Variants in DOCK3 observed in about 807,000 individuals in gnomAD.
DOCK3 encodes the protein dedicator of cytokinesis protein 3.
DOCK3 carries 60 observed loss-of-function variants against 265.6 expected under a neutral mutation model. The ratio of observed to expected loss-of-function variants is 0.23; its 90% CI spans 0.18 to 0.28. The LOEUF is 0.28. DOCK3 is among the 10% of genes least tolerant of loss of function. The pLI is 1.00. For missense variants in DOCK3, 1,981 were observed against 2,594.3 expected, an observed-to-expected ratio of 0.76 and a Z score of 5.14; for synonymous variants, 881 against 938.0, an observed-to-expected ratio of 0.94 and a Z score of 1.11.
chr3:50,880,562 C>T, intron 3 of DOCK3: 1 of 188,460 alleles, frequency 5.3e-6, no homozygotes, highest in South Asian at 8.2e-5. Flanking sequence ...ATACACCCTC[C>T]CAGGACTAAA....
intron 5 of DOCK3, among the ~76,000 whole-genome samples, chr3:51,027,249 G>T (rs552192356): frequency 6.6e-6 from 1 of 151,884 alleles, no homozygotes; most frequent in African/African-American, 2.4e-5. Flanking sequence ...CCATGTATTT[G>T]TGTGGTTTTG....
At chr3:50,951,368 A>G (rs1383383112) in intron 5 of DOCK3, among the ~76,000 whole-genome samples, 2 of 152,180 alleles carry the variant, frequency 1.3e-5, no homozygotes, top group Admixed American at 1.3e-4. Flanking sequence ...CTGTATTACT[A>G]TGTTGATTAA....
intron 22 of DOCK3, among the ~76,000 whole-genome samples, chr3:51,253,711 C>G (rs2079389063): frequency 6.6e-6 from 1 of 152,134 alleles, no homozygotes. Flanking sequence ...ATGGCGATAT[C>G]ACCTTTGTCA....
intron 5 of DOCK3, among the ~76,000 whole-genome samples, chr3:50,985,630 C>T (rs1262464076): frequency 6.6e-6 from 1 of 151,982 alleles, no homozygotes; most frequent in East Asian, 1.9e-4. Flanking sequence ...TGCTTCTGGT[C>T]AGTTCAAAAA....
intron 2 of DOCK3, chr3:50,788,040 C>T (rs1447639491): frequency 2.7e-6 from 2 of 737,382 alleles, no homozygotes; most frequent in East Asian, 3.0e-5. Flanking sequence ...GCTCCTGTCT[C>T]CCTGAAATGT....
At chr3:50,852,538 G>A (rs973767597) in intron 3 of DOCK3, among the ~76,000 whole-genome samples, 29 of 152,044 alleles carry the variant, frequency 1.9e-4, no homozygotes, top group Admixed American at 2.0e-4. Flanking sequence ...TAAGAAATCT[G>A]TCCACTTTAC....
chr3:50,814,872 T>C (rs1372311915), intron 2 of DOCK3, among the ~76,000 whole-genome samples: 1 of 152,160 alleles, frequency 6.6e-6, no homozygotes, highest in Non-Finnish European at 1.5e-5. Flanking sequence ...GCCGCCAGGC[T>C]GGAGTGCAGT....
At chr3:50,870,771 T>C (rs2047397659) in intron 3 of DOCK3, among the ~76,000 whole-genome samples, 2 of 152,208 alleles carry the variant, frequency 1.3e-5, no homozygotes, top group South Asian at 4.1e-4. Context: ...TTGGATCTCA[T>C]GTATTTTTTG....
intron 23 of DOCK3, among the ~76,000 whole-genome samples, chr3:51,266,659 C>CT (rs1408094805): frequency 1.8e-4 from 27 of 152,272 alleles, no homozygotes. Flanking sequence ...TTCCTTACAC[C>CT]TTATACAAAA....
In DOCK3 at chr3:50,924,001, TTTTG is replaced by T. The variant is rs546663807; in HGVS notation, c.219-9957_219-9954del. Among the ~76,000 whole-genome samples the T allele has an allele frequency of 1.3e-4, 20 of 152,256 alleles. No individual in the cohort carries two copies. In the East Asian group the frequency reaches 1.4e-3, roughly 10 times the overall value. ...CAACCAATGCCAAAACTGCTGCTGT[TTTTG>T]TTTGTTTGTTTGTTTGTTTGTTCAG... On this transcript the variant is annotated intron_variant, in intron 4 of 52. Coordinates refer to ENST00000266037, the MANE Select transcript of DOCK3 (RefSeq NM_004947.5).
At position 51,217,455 on chromosome 3, in the gene DOCK3, G is replaced by A. The variant is rs181503731; in HGVS notation, c.1252+3208G>A. On this transcript the variant is annotated intron_variant, in intron 14 of 52. Coordinates refer to ENST00000266037, the MANE Select transcript of DOCK3 (RefSeq NM_004947.5). ...CAGTGATACTGCTGGTGTTCTGGGA[G>A]CCAAACCAGGAAGTACCATCTTAGA... 8.8e-4 allele frequency among the ~76,000 whole-genome samples: 133 copies of A among 151,344 alleles called. 1 individual carries two copies. Among genetic ancestry groups the A allele is most frequent in the Admixed American group, 2.8e-3 (42 of 15,266 alleles).
chr3:50,843,089 T>C lies in DOCK3; in HGVS notation c.162+1374T>C, dbSNP rs781354584. Among the ~76,000 whole-genome samples, 318 of 152,340 alleles carry C rather than the reference T, an allele frequency of 2.1e-3. 3 individuals are homozygous for C. The highest frequency in any genetic ancestry group is 3.6e-3 in the Non-Finnish European group (242 of 68,040). The stretch of plus-strand genomic sequence containing the variant: ...GAAAACATTATTGAGACAGGAATGA[T>C]GGTACCCTTAAAATATTAAACATCA... On this transcript the variant is annotated intron_variant, in intron 3 of 52. Coordinates refer to ENST00000266037, the MANE Select transcript of DOCK3 (RefSeq NM_004947.5).
chr3:50,948,770 C>T (rs552242303), intron 5 of DOCK3, among the ~76,000 whole-genome samples: 8 of 152,158 alleles, frequency 5.3e-5, no homozygotes, highest in South Asian at 2.1e-4. Context: ...TGAGCCACCA[C>T]GTCCAGCCTG....
At chr3:50,889,458 TG>T (rs2048534791) in intron 3 of DOCK3, among the ~76,000 whole-genome samples, 1 of 151,268 alleles carries the variant, frequency 6.6e-6, no homozygotes, top group African/African-American at 2.4e-5. Context: ...AAAACTGATG[TG>T]GTTTTTTTTT....
intron 21 of DOCK3, among the ~76,000 whole-genome samples, chr3:51,243,290 C>T (rs1016562982): frequency 6.6e-6 from 1 of 152,154 alleles, no homozygotes; most frequent in Non-Finnish European, 1.5e-5. Context: ...AGCAGCTCTC[C>T]CTGCCAACTC....
At chr3:50,854,591 A>ATTTTTTTTTTTT (rs1559726991) in intron 3 of DOCK3, among the ~76,000 whole-genome samples, 22 of 4,310 alleles carry the variant, frequency 5.1e-3, no homozygotes, top group Non-Finnish European at 0.01. Flanking sequence ...CCATCACACC[A>ATTTTTTTTTTTT]GTTTTTTTTT....
At chr3:51,066,809 C>T (rs373769535) in intron 6 of DOCK3, among the ~76,000 whole-genome samples, 105 of 152,232 alleles carry the variant, frequency 6.9e-4, no homozygotes, top group East Asian at 3.1e-3. Context: ...CTTTTTGAAG[C>T]CACAACTTTA....
intron 12 of DOCK3, among the ~76,000 whole-genome samples, chr3:51,206,287 A>C (rs1416162800): frequency 6.6e-6 from 1 of 152,234 alleles, no homozygotes; most frequent in African/African-American, 2.4e-5. Context: ...TTATTTGTTC[A>C]ACAAATATTA....
At chr3:51,380,281 G>A (rs1482236967) in intron 52 of DOCK3, 74 bp downstream of exon 52, 1 of 1,394,624 alleles carries the variant, frequency 7.2e-7, no homozygotes, top group African/African-American at 1.4e-5. Flanking sequence ...CACCCTTGGG[G>A]TCTACAGGAG....
Sources: allele counts gnomAD v4.1 joint callset (sites outside exome capture counted in the v4.1 genomes callset), GRCh38; gene constraint gnomAD v4.1.1; transcripts MANE v1.5; gene names NCBI Gene and HGNC (gene_info 2026-07-23, HGNC 2026-07-21).